ZBTB16: variants seen among roughly 807,000 people sequenced by gnomAD.
The protein encoded by ZBTB16 is zinc finger and BTB domain-containing protein 16.
In ZBTB16, 8 loss-of-function variants were observed where a neutral mutation model predicts 56.8. The ratio of observed to expected loss-of-function variants is 0.14; its 90% CI spans 0.08 to 0.25. The LOEUF is 0.25. ZBTB16 is among the 10% of genes least tolerant of loss of function. The probability of loss-of-function intolerance (pLI) is 1.00; values close to 1 mark genes in which losing one functional copy is unlikely to be tolerated. For missense variants in ZBTB16, 625 were observed against 903.0 expected, an observed-to-expected ratio of 0.69 and a Z score of 3.95; for synonymous variants, 363 against 368.5, an observed-to-expected ratio of 0.98 and a Z score of 0.17.
chr11:114,186,777 TGG>T (rs1376548518), intron 3 of ZBTB16, among the ~76,000 whole-genome samples, 173 bp from the exon 4 acceptor site: 1 of 152,204 alleles, frequency 6.6e-6, no homozygotes. Flanking sequence ...AGAATTCAGT[TGG>T]GTGAATGCTC....
intron 4 of ZBTB16, among the ~76,000 whole-genome samples, chr11:114,213,610 T>C (rs1415617198): frequency 6.6e-6 from 1 of 152,264 alleles, no homozygotes; most frequent in Non-Finnish European, 1.5e-5. Flanking sequence ...GACTGTGTTA[T>C]TTGGTCCTCA....
rs1341554654 is a variant in ZBTB16 at position 114,255,967 on chromosome 11, G to A, written c.*5412G>A. ...GTTAGAAGAGAATAAAGTTAATTCAGTTGTCTCTCGCTTGAAGCGTCCCAC... is the reference window on the plus strand; with the variant it reads ...GTTAGAAGAGAATAAAGTTAATTCAATTGTCTCTCGCTTGAAGCGTCCCAC... On this transcript the variant is annotated 3_prime_UTR_variant, in exon 7 of 7. Transcript: ENST00000335953. Among the ~76,000 whole-genome samples the A allele has an allele frequency of 6.6e-6, 1 of 151,108 alleles. No homozygotes were observed. The highest frequency in any genetic ancestry group is 1.5e-5 in the Non-Finnish European group (1 of 67,928).
chr11:114,064,242 G>A lies in ZBTB16; in HGVS notation c.942G>A (p.Gln314=), dbSNP rs780289686. 2 of 1,614,000 alleles carry A rather than the reference G, an allele frequency of 1.2e-6. No homozygotes were observed. Among genetic ancestry groups the A allele is most frequent in the Non-Finnish European group, 1.7e-6 (2 of 1,180,032 alleles). ...TGCCACCCCCAGCTGAGGCTGGCCA[G>A]GCCCCCACTGGCCGACCTGAGCACC... The part of the protein sequence containing the change: ...EQVPPPAEAG[Q]APTGRPEHPA... The change falls in exon 2 of 7, where the codon CAG becomes CAA. Residue 314 remains glutamine (Q), a synonymous_variant. Coordinates refer to ENST00000335953, the MANE Select transcript of ZBTB16 (RefSeq NM_006006.6). This position sits in a 1 kb window ranked among gnomAD's most constrained non-coding sequence, Gnocchi z 4.2.
At chr11:114,215,586 G>A (rs1187962549) in intron 4 of ZBTB16, among the ~76,000 whole-genome samples, 1 of 152,192 alleles carries the variant, frequency 6.6e-6, no homozygotes, top group East Asian at 1.9e-4. Flanking sequence ...ACCCTACAAC[G>A]AGAGGTAAAG....
intron 2 of ZBTB16, among the ~76,000 whole-genome samples, chr11:114,103,746 A>T (rs1376522919): frequency 2.0e-5 from 3 of 152,048 alleles, no homozygotes; most frequent in Non-Finnish European, 2.9e-5. Flanking sequence ...CCCATCCTGG[A>T]TTCCTTTCAT....
At chr11:114,121,762 G>A (rs915149952) in intron 2 of ZBTB16, 4 of 454,252 alleles carry the variant, frequency 8.8e-6, no homozygotes, top group African/African-American at 4.0e-5. Context: ...TATTATACTC[G>A]CAGTTTTGTA....
intron 2 of ZBTB16, among the ~76,000 whole-genome samples, chr11:114,073,284 A>G (rs1002406067): frequency 1.3e-5 from 2 of 152,176 alleles, no homozygotes; most frequent in Non-Finnish European, 2.9e-5. Context: ...ACCAACACAG[A>G]GAGATCAGCT....
At chr11:114,186,893 A>T in intron 3 of ZBTB16, 59 bp from the exon 4 acceptor site, 1 of 1,552,246 alleles carries the variant, frequency 6.4e-7, no homozygotes, top group Non-Finnish European at 8.9e-7. Flanking sequence ...GTGGCCCAGG[A>T]CCTCCCCGCT....
At chr11:114,116,737 A>G (rs1217650084) in intron 2 of ZBTB16, among the ~76,000 whole-genome samples, 1 of 152,248 alleles carries the variant, frequency 6.6e-6, no homozygotes, top group Admixed American at 6.5e-5. Context: ...AGAATAAAAC[A>G]TGTTCCCTAA....
At position 114,250,227 on chromosome 11, in the gene ZBTB16, G is replaced by A; in HGVS notation, c.1793-99G>A. Reference sequence around the variant, plus strand: ...AAGTTCTGTTGGAGCAAGCCCAGCTGGAGGAACCCAGCTTCCCTGGCACGC... The same window carrying A: ...AAGTTCTGTTGGAGCAAGCCCAGCTAGAGGAACCCAGCTTCCCTGGCACGC... On this transcript the variant is annotated intron_variant, in intron 6 of 6. Transcript: ENST00000335953. The surrounding 1 kb of genome is among the most constrained non-coding windows in gnomAD (Gnocchi z 6.0). The A allele has an allele frequency of 7.2e-6, 10 of 1,384,476 alleles. No homozygotes were observed. Among genetic ancestry groups the A allele is most frequent in the Non-Finnish European group, 9.1e-6 (9 of 986,710 alleles). The allele number at this position is 1,384,476 out of a possible 1,614,324, so 85.8% of individuals were successfully genotyped here. A position where few individuals can be genotyped will look rare whatever the true frequency, so the allele number is the denominator to read the frequency against.
At chr11:114,148,431 C>CTCTGTCTG in intron 2 of ZBTB16, among the ~76,000 whole-genome samples, 1 of 69,868 alleles carries the variant, frequency 1.4e-5, no homozygotes, top group East Asian at 3.3e-4. Flanking sequence ...CTCCCTCTCT[C>CTCTGTCTG]TCTCTTTCTC....
Position 114,253,644 on chromosome 11 carries a change from T to C in ZBTB16, c.*3089T>C, listed in dbSNP as rs576363364. ...TCAGGGGAGTGTGGTTTCTGAGGGC[T>C]ACTGTCTGGGGACACCTCTGAACTT... On this transcript the variant is annotated 3_prime_UTR_variant, in exon 7 of 7. Transcript: ENST00000335953. Among the ~76,000 whole-genome samples the C allele has an allele frequency of 2.0e-5, 3 of 152,346 alleles. No individual in the cohort carries two copies. The highest frequency in any genetic ancestry group is 7.2e-5 in the African/African-American group (3 of 41,582).
chr11:114,235,625 C>CCTTTCTTT (rs1565701432), intron 4 of ZBTB16, among the ~76,000 whole-genome samples: 1 of 68,416 alleles, frequency 1.5e-5, no homozygotes, highest in Non-Finnish European at 2.9e-5. Flanking sequence ...TTTCCCTCTC[C>CCTTTCTTT]CTTCCTTTCT....
At chr11:114,107,442 A>G (rs1196388608) in intron 2 of ZBTB16, among the ~76,000 whole-genome samples, 2 of 152,206 alleles carry the variant, frequency 1.3e-5, no homozygotes, top group Non-Finnish European at 2.9e-5. Flanking sequence ...GGTTGTCTAG[A>G]GTGAACAAAT....
chr11:114,175,184 C>T (rs148282940), intron 3 of ZBTB16, among the ~76,000 whole-genome samples: 1 of 152,288 alleles, frequency 6.6e-6, no homozygotes, highest in East Asian at 1.9e-4. Flanking sequence ...AGATGATGCA[C>T]ATGAAGGTGC....
chr11:114,072,744 G>A (rs939019728), intron 2 of ZBTB16, among the ~76,000 whole-genome samples: 1 of 152,078 alleles, frequency 6.6e-6, no homozygotes, highest in Non-Finnish European at 1.5e-5. Flanking sequence ...GAGGTTAGTG[G>A]ACTTTTCTCT....
intron 2 of ZBTB16, among the ~76,000 whole-genome samples, chr11:114,130,149 G>A (rs1481227966): frequency 2.0e-5 from 3 of 152,160 alleles, no homozygotes; most frequent in Non-Finnish European, 4.4e-5. Context: ...TGTTTGCTTT[G>A]AAGGCACACT....
intron 4 of ZBTB16, among the ~76,000 whole-genome samples, chr11:114,228,639 G>C (rs754201699): frequency 6.6e-6 from 1 of 152,188 alleles, no homozygotes; most frequent in Non-Finnish European, 1.5e-5. Context: ...GTGTTGATAC[G>C]TAGGATGTCG....
chr11:114,245,845 A>G (rs1201949031), intron 5 of ZBTB16, among the ~76,000 whole-genome samples: 1 of 152,170 alleles, frequency 6.6e-6, no homozygotes, highest in Admixed American at 6.5e-5. Flanking sequence ...CTTTACCATA[A>G]ACTGTGGTTG....
Sources: allele counts gnomAD v4.1 joint callset (sites outside exome capture counted in the v4.1 genomes callset), GRCh38; gene constraint gnomAD v4.1.1; non-coding constraint Gnocchi (gnomAD v3.1); transcripts MANE v1.5; gene names NCBI Gene and HGNC (gene_info 2026-07-23, HGNC 2026-07-21).